The following ARHGAP8 variants were observed in gnomAD, a reference collection of about 807,000 sequenced individuals.
The protein encoded by ARHGAP8 is rho GTPase-activating protein 8.
Under a neutral mutation model 46.1 loss-of-function variants are expected in ARHGAP8, and 62 were observed. That is an observed-to-expected ratio of 1.34 (90% CI 1.10 to 1.66). The LOEUF (loss-of-function observed/expected upper bound fraction) is 1.66, where lower values mean the gene tolerates loss of function less well. Ranked by LOEUF, ARHGAP8 falls within the 40% of genes most tolerant of loss-of-function variation. The pLI, the probability that ARHGAP8 is intolerant of heterozygous loss-of-function variation, is 0.00. For synonymous variants in ARHGAP8, 375 were observed against 243.1 expected, an observed-to-expected ratio of 1.54 and a Z score of -5.05; for missense variants, 923 against 568.4, an observed-to-expected ratio of 1.62 and a Z score of -6.34.
In ARHGAP8 at chr22:44,862,136, G is replaced by GTCCCCATTACTGGCTGCCGGC. The variant is rs1240467704; in HGVS notation, c.982-134_982-114dup. On this transcript the variant is annotated intron_variant, in intron 11 of 11. Coordinates refer to ENST00000356099, the MANE Select transcript of ARHGAP8 (RefSeq NM_181335.3). Reference sequence around the variant, plus strand: ...CTGAGTGGGCAGGTGGCTGCACAGGGTCCCCATTACTGGCTGCCGGCTCCC... The same window carrying GTCCCCATTACTGGCTGCCGGC: ...CTGAGTGGGCAGGTGGCTGCACAGGGTCCCCATTACTGGCTGCCGGCTCCCCATTACTGGCTGCCGGCTCCC... 3 of 1,024,010 alleles carry GTCCCCATTACTGGCTGCCGGC rather than the reference G, an allele frequency of 2.9e-6. No individual in the cohort carries two copies. The Admixed American group carries it at 9.3e-5, about 32-fold the overall frequency. 63.4% of individuals were successfully genotyped at this position (1,024,010 alleles called of 1,614,324 possible). A position where few individuals can be genotyped will look rare whatever the true frequency, so the allele number is the denominator to read the frequency against.
chr22:44,817,092 G>T (rs996576786), intron 5 of ARHGAP8, among the ~76,000 whole-genome samples: 1 of 151,990 alleles, frequency 6.6e-6, no homozygotes, highest in Non-Finnish European at 1.5e-5. Flanking sequence ...CACCATGTTG[G>T]CCAGGCTGGT....
intron 1 of ARHGAP8, among the ~76,000 whole-genome samples, chr22:44,784,726 A>T (rs886772194): frequency 2.0e-5 from 3 of 152,210 alleles, no homozygotes; most frequent in African/African-American, 7.2e-5. Context: ...AGACAGTCAC[A>T]TGCACAGGGT....
In ARHGAP8 at chr22:44,859,824, T is replaced by TGCTCATGGGCTCA. The variant is rs761635329; in HGVS notation, c.971_972insGCTCATGGGCTCA (p.Phe324LeufsTer22). 2.6e-5 allele frequency: 42 copies of TGCTCATGGGCTCA among 1,613,778 alleles called. 1 individual carries two copies. In the South Asian group the frequency reaches 3.7e-4, roughly 14 times the overall value. On this transcript the variant is annotated frameshift_variant, in exon 11 of 12. Coordinates refer to ENST00000356099, the MANE Select transcript of ARHGAP8 (RefSeq NM_181335.3). LOFTEE classifies it low-confidence loss of function (END_TRUNC). Reference sequence around the variant, plus strand: ...GTCGTCCTCCGCTACCTCATGGGCTTCCTGCATGCGGTGAGTGGGGAAGGG... The same window carrying TGCTCATGGGCTCA: ...GTCGTCCTCCGCTACCTCATGGGCTTGCTCATGGGCTCACCTGCATGCGGTGAGTGGGGAAGGG...
chr22:44,802,343 G>C (rs2147081256), intron 3 of ARHGAP8, among the ~76,000 whole-genome samples, 179 bp downstream of exon 3: 1 of 152,298 alleles, frequency 6.6e-6, no homozygotes, highest in African/African-American at 2.4e-5. Flanking sequence ...GACACCCCTG[G>C]TCCCTGGGCT....
At chr22:44,831,948 T>C (rs1006640680) in intron 7 of ARHGAP8, among the ~76,000 whole-genome samples, 10 of 152,146 alleles carry the variant, frequency 6.6e-5, no homozygotes, top group Non-Finnish European at 1.3e-4. Context: ...TCTGCATCTC[T>C]TTAATTTCCA....
intron 2 of ARHGAP8, among the ~76,000 whole-genome samples, chr22:44,787,942 C>CTTT (rs1569145142): frequency 2.8e-4 from 22 of 78,144 alleles, no homozygotes; most frequent in East Asian, 5.5e-4. Context: ...TTTTTTTTTC[C>CTTT]CCCCAAATGT....
At chr22:44,859,968 GCC>G in intron 11 of ARHGAP8, 134 bp downstream of exon 11, 1 of 1,071,976 alleles carries the variant, frequency 9.3e-7, no homozygotes, top group Non-Finnish European at 1.3e-6. Context: ...ACCACTCCCT[GCC>G]CCCCAAGGAC....
At chr22:44,769,461 T>C (rs1177313745) in intron 1 of ARHGAP8, among the ~76,000 whole-genome samples, 2 of 152,208 alleles carry the variant, frequency 1.3e-5, no homozygotes, top group Non-Finnish European at 2.9e-5. Flanking sequence ...TCAGATAAAT[T>C]TTGGAATCAG....
intron 2 of ARHGAP8, among the ~76,000 whole-genome samples, chr22:44,791,707 A>AAAAC (rs567581035): frequency 1.2e-4 from 19 of 152,240 alleles, no homozygotes; most frequent in Admixed American, 1.0e-3. Context: ...TCCATCTCAA[A>AAAAC]AAACAAACAA....
chr22:44,851,587 G>C (rs1254108141), intron 10 of ARHGAP8, among the ~76,000 whole-genome samples: 1 of 152,140 alleles, frequency 6.6e-6, no homozygotes, highest in African/African-American at 2.4e-5. Flanking sequence ...CACTTTGGGA[G>C]GCCAAGGCAG....
chr22:44,861,430 G>T (rs921330770), intron 11 of ARHGAP8, among the ~76,000 whole-genome samples: 1 of 152,200 alleles, frequency 6.6e-6, no homozygotes, highest in African/African-American at 2.4e-5. Context: ...AGTGGGCCTG[G>T]CTGGTGCACA....
intron 2 of ARHGAP8, among the ~76,000 whole-genome samples, chr22:44,795,052 AAAC>A (rs1346564817): frequency 3.0e-4 from 46 of 150,850 alleles, no homozygotes; most frequent in African/African-American, 1.1e-3. Context: ...AAAAAAAAAA[AAAC>A]AAAAAACGAA....
Position 44,858,576 on chromosome 22 carries a change from G to T in ARHGAP8, c.878-1155G>T, listed in dbSNP as rs1406253605. Among the ~76,000 whole-genome samples the T allele has an allele frequency of 4.8e-5, 6 of 123,886 alleles. No homozygotes were observed. The Admixed American group carries it at 5.9e-4, about 12-fold the overall frequency. The allele number at this position is 123,886 out of a possible 152,430, so 81.3% of individuals were successfully genotyped here. ...TAAGTAACAGGGTTTCACCATGTTGGGTCAGGCTGGTCTCGCACTCCTGAC... is the reference window on the plus strand; with the variant it reads ...TAAGTAACAGGGTTTCACCATGTTGTGTCAGGCTGGTCTCGCACTCCTGAC... On this transcript the variant is annotated intron_variant, in intron 10 of 11. Coordinates refer to ENST00000356099, the MANE Select transcript of ARHGAP8 (RefSeq NM_181335.3).
At chr22:44,803,545 T>A (rs1238288766) in intron 3 of ARHGAP8, among the ~76,000 whole-genome samples, 1 of 149,490 alleles carries the variant, frequency 6.7e-6, no homozygotes, top group Non-Finnish European at 1.5e-5. Flanking sequence ...CATCGTCCCT[T>A]GCATATGTCC....
intron 1 of ARHGAP8, chr22:44,786,196 G>A (rs731548): frequency 0.16 from 94,202 of 575,380 alleles, 8,709 homozygotes; most frequent in African/African-American, 0.33. Context: ...GAGGTAGGGC[G>A]TATAGTGGGT....
intron 1 of ARHGAP8, among the ~76,000 whole-genome samples, chr22:44,763,520 T>C (rs1036371675): frequency 6.6e-6 from 1 of 151,250 alleles, no homozygotes; most frequent in African/African-American, 2.4e-5. Flanking sequence ...AAAGATACTT[T>C]TCAGAAGAGG....
chr22:44,801,902 G>C, intron 2 of ARHGAP8, 175 bp from the exon 3 acceptor site: 1 of 634,616 alleles, frequency 1.6e-6, no homozygotes, highest in Admixed American at 2.9e-5. Context: ...CTTGGACCAC[G>C]TGCATAAAGC....
At chr22:44,799,576 G>C (rs924660428) in intron 2 of ARHGAP8, among the ~76,000 whole-genome samples, 2 of 152,108 alleles carry the variant, frequency 1.3e-5, no homozygotes, top group Non-Finnish European at 1.5e-5. Context: ...GCAGTGGAGG[G>C]ATCTCCGTGT....
rs750390216 is a variant in ARHGAP8 at position 44,825,604 on chromosome 22, C to T, written c.596+11C>T. 3.4e-5 allele frequency: 54 copies of T among 1,608,784 alleles called. 1 individual carries two copies. Among genetic ancestry groups the T allele is most frequent in the Middle Eastern group, 1.7e-4 (1 of 6,060 alleles). On this transcript the variant is annotated intron_variant, in intron 7 of 11. Coordinates refer to ENST00000356099, the MANE Select transcript of ARHGAP8 (RefSeq NM_181335.3). ...CGTCAGTCTGCAATAGTAAGTGAGC[C>T]GGGGATGTGCCTGCTCCTATGCCCT... is the stretch of plus-strand genomic sequence containing the variant.
Sources: allele counts gnomAD v4.1 joint callset (sites outside exome capture counted in the v4.1 genomes callset), GRCh38; gene constraint gnomAD v4.1.1; transcripts MANE v1.5; gene names NCBI Gene and HGNC (gene_info 2026-07-23, HGNC 2026-07-21).